The following SLC24A2 variants were observed in gnomAD, a reference collection of about 807,000 sequenced individuals.
SLC24A2 encodes solute carrier family 24 member 2, also known as sodium/potassium/calcium exchanger 2.
In SLC24A2, 36 loss-of-function variants were observed where a neutral mutation model predicts 62.0. The observed-to-expected ratio is 0.58, with a 90% CI of 0.44 to 0.77. The LOEUF is 0.77. SLC24A2 is among the 30% of genes least tolerant of loss of function. SLC24A2 has a pLI of 0.00. For synonymous variants in SLC24A2, 358 were observed against 294.0 expected, an observed-to-expected ratio of 1.22 and a Z score of -2.23; for missense variants, 846 against 817.9, an observed-to-expected ratio of 1.03 and a Z score of -0.42.
At chr9:20,033,695 T>C in the SLC24A2 span, among the ~76,000 whole-genome samples, 1 of 152,194 alleles carries the variant, frequency 6.6e-6, no homozygotes, top group African/African-American at 2.4e-5. Context: ...CGGTTTAAGA[T>C]TCCACAGCAA....
At chr9:19,721,751 T>A (rs1223206164) in intron 2 of SLC24A2, among the ~76,000 whole-genome samples, 4 of 152,158 alleles carry the variant, frequency 2.6e-5, no homozygotes, top group Non-Finnish European at 5.9e-5. Context: ...TTCCAACACA[T>A]AACAGCCTTC....
chr9:20,001,104 G>C, the SLC24A2 span, among the ~76,000 whole-genome samples: 3,247 of 152,288 alleles, frequency 0.021, 121 homozygotes, highest in African/African-American at 0.073. Flanking sequence ...GTTGCATTTT[G>C]TGGGCCACAA....
At chr9:20,252,437 G>C in the SLC24A2 span, among the ~76,000 whole-genome samples, 1 of 152,088 alleles carries the variant, frequency 6.6e-6, no homozygotes, top group Non-Finnish European at 1.5e-5. Flanking sequence ...GATAGAGGTG[G>C]GACAGGATGC....
At chr9:20,171,519 A>G in the SLC24A2 span, among the ~76,000 whole-genome samples, 57 of 152,156 alleles carry the variant, frequency 3.7e-4, no homozygotes, top group South Asian at 0.011. Context: ...AAGGGGTGGA[A>G]AAAGACATTC....
the SLC24A2 span, among the ~76,000 whole-genome samples, chr9:20,094,532 T>C: frequency 6.6e-6 from 1 of 152,176 alleles, no homozygotes; most frequent in Non-Finnish European, 1.5e-5. Flanking sequence ...CTAATGAAGT[T>C]TGCAACAATA....
At chr9:19,838,558 G>C in the SLC24A2 span, among the ~76,000 whole-genome samples, 3 of 151,386 alleles carry the variant, frequency 2.0e-5, no homozygotes, top group African/African-American at 7.3e-5. Context: ...AGAATTGCTT[G>C]AACTTGGGAG....
At chr9:20,306,204 G>A in the SLC24A2 span, among the ~76,000 whole-genome samples, 1 of 152,208 alleles carries the variant, frequency 6.6e-6, no homozygotes, top group Non-Finnish European at 1.5e-5. Flanking sequence ...ACCCCATGTT[G>A]TGTTGGAATT....
the SLC24A2 span, among the ~76,000 whole-genome samples, chr9:19,883,857 C>T: frequency 6.6e-6 from 1 of 152,162 alleles, no homozygotes; most frequent in Non-Finnish European, 1.5e-5. Flanking sequence ...ATCTCTAAGG[C>T]TCCTCCGACT....
the SLC24A2 span, among the ~76,000 whole-genome samples, chr9:20,172,783 G>C: frequency 3.3e-5 from 5 of 151,992 alleles, no homozygotes; most frequent in African/African-American, 1.2e-4. Context: ...AGAAGAATTG[G>C]TACCAATCCT....
At chr9:20,264,528 G>A in the SLC24A2 span, among the ~76,000 whole-genome samples, 1,474 of 152,256 alleles carry the variant, frequency 9.7e-3, 29 homozygotes, top group African/African-American at 0.034. Context: ...AGAGGTGGAG[G>A]TGAAGTATCA....
the SLC24A2 span, among the ~76,000 whole-genome samples, chr9:20,286,861 T>G: frequency 6.6e-6 from 1 of 152,186 alleles, no homozygotes; most frequent in East Asian, 1.9e-4. Context: ...AAGGACACAT[T>G]GAGGATTCCA....
At chr9:19,828,089 T>C in the SLC24A2 span, among the ~76,000 whole-genome samples, 3 of 152,310 alleles carry the variant, frequency 2.0e-5, no homozygotes, top group Admixed American at 6.5e-5. Context: ...AATAGTCCTA[T>C]GATGATTCCA....
At chr9:20,227,097 C>T in the SLC24A2 span, among the ~76,000 whole-genome samples, 1 of 152,102 alleles carries the variant, frequency 6.6e-6, no homozygotes, top group African/African-American at 2.4e-5. Context: ...CCCTTTTAGA[C>T]TGTTTATGCT....
chr9:20,111,939 T>A, the SLC24A2 span, among the ~76,000 whole-genome samples: 1 of 152,162 alleles, frequency 6.6e-6, no homozygotes, highest in African/African-American at 2.4e-5. Flanking sequence ...CAAAATAATA[T>A]CATTTTAAAA....
At chr9:19,687,220 A>G (rs966670479) in intron 2 of SLC24A2, among the ~76,000 whole-genome samples, 6 of 152,068 alleles carry the variant, frequency 3.9e-5, no homozygotes, top group Non-Finnish European at 5.9e-5. Flanking sequence ...TGTACACCAA[A>G]CCCATGACAC....
intron 2 of SLC24A2, among the ~76,000 whole-genome samples, chr9:19,701,993 A>G (rs1324667473): frequency 1.3e-5 from 2 of 152,182 alleles, no homozygotes; most frequent in South Asian, 2.1e-4. Flanking sequence ...TAGAGTCAGA[A>G]TCTCTTGTTT....
the SLC24A2 span, among the ~76,000 whole-genome samples, chr9:19,982,066 A>C: frequency 6.6e-6 from 1 of 152,274 alleles, no homozygotes; most frequent in Admixed American, 6.5e-5. Context: ...GCAATGAGTG[A>C]ATAATGCAAA....
chr9:20,231,225 T>C, the SLC24A2 span, among the ~76,000 whole-genome samples: 2 of 152,208 alleles, frequency 1.3e-5, no homozygotes, highest in Non-Finnish European at 2.9e-5. Context: ...GGGCTCTTTT[T>C]TGGTCCCATA....
At chr9:20,265,168 G>C in the SLC24A2 span, among the ~76,000 whole-genome samples, 4 of 152,224 alleles carry the variant, frequency 2.6e-5, no homozygotes, top group Admixed American at 6.5e-5. Flanking sequence ...CATCATGTGA[G>C]GATTAGAAAG....
Sources: allele counts gnomAD v4.1 joint callset (sites outside exome capture counted in the v4.1 genomes callset), GRCh38; gene constraint gnomAD v4.1.1; transcripts MANE v1.5; gene names NCBI Gene and HGNC (gene_info 2026-07-23, HGNC 2026-07-21).